Variants in DNAJB6 observed in about 807,000 individuals in gnomAD.
DNAJB6 encodes the protein dnaJ homolog subfamily B member 6.
A neutral mutation model predicts 42.7 loss-of-function variants in DNAJB6; 16 were observed. The ratio of observed to expected loss-of-function variants is 0.37; its 90% CI spans 0.25 to 0.57. The LOEUF (loss-of-function observed/expected upper bound fraction) is 0.57, where lower values mean the gene tolerates loss of function less well. Ranked by LOEUF, DNAJB6 falls within the 20% of genes least tolerant of loss-of-function variation. The pLI, the probability that DNAJB6 is intolerant of heterozygous loss-of-function variation, is 0.74. For synonymous variants in DNAJB6, 170 were observed against 163.5 expected, an observed-to-expected ratio of 1.04 and a Z score of -0.30; for missense variants, 347 against 416.8, an observed-to-expected ratio of 0.83 and a Z score of 1.46.
chr7:157,363,602 G>A (rs945001173), intron 3 of DNAJB6, among the ~76,000 whole-genome samples: 6 of 152,068 alleles, frequency 3.9e-5, no homozygotes, highest in Non-Finnish European at 8.8e-5. Flanking sequence ...GCTTGCCCCC[G>A]TTGTGTGTGA....
chr7:157,403,571 A>C (rs1241861542), intron 8 of DNAJB6, among the ~76,000 whole-genome samples: 1 of 152,122 alleles, frequency 6.6e-6, no homozygotes, highest in Non-Finnish European at 1.5e-5. Context: ...AGCTCACGTA[A>C]AGCGATCCTC....
At position 157,381,777 on chromosome 7, in the gene DNAJB6, G is replaced by T. The variant is rs3802089; in HGVS notation, c.347-469G>T. 3.2e-4 allele frequency: 25 copies of T among 77,082 alleles called. No individual in the cohort carries two copies. In the East Asian group the frequency reaches 0.013, roughly 39 times the overall value. 4.8% of individuals were successfully genotyped at this position (77,082 alleles called of 1,614,324 possible). On this transcript the variant is annotated intron_variant, in intron 5 of 9. Coordinates refer to ENST00000262177, the MANE Select transcript of DNAJB6 (RefSeq NM_058246.4). The stretch of plus-strand genomic sequence containing the variant: ...GTGTGTGTGTGTGTGTGTGTGTGTG[G>T]GCGCGCGCATGTTAGGGTAATCCAT...
Position 157,394,797 on chromosome 7 carries a change from A to G in DNAJB6, c.691+9186A>G, listed in dbSNP as rs562970952. ...TTGTCCCCGCCTCTCAGCGGAGCTT[A>G]GAACCATACAGAAAGTGGGCCAGAC... On this transcript the variant is annotated intron_variant, in intron 8 of 9. Transcript: ENST00000262177. 4.1e-4 allele frequency among the ~76,000 whole-genome samples: 63 copies of G among 152,292 alleles called. 1 individual carries two copies. The South Asian group carries it at 9.7e-3, about 24-fold the overall frequency.
At chr7:157,386,137 G>A in intron 8 of DNAJB6, 1 of 937,432 alleles carries the variant, frequency 1.1e-6, no homozygotes, top group Non-Finnish European at 1.3e-6. Flanking sequence ...ATAAATTAAG[G>A]ATGTTTTCTA....
chr7:157,383,695 G>T (rs1211281851), intron 6 of DNAJB6, among the ~76,000 whole-genome samples: 1 of 151,758 alleles, frequency 6.6e-6, no homozygotes, highest in Non-Finnish European at 1.5e-5. Flanking sequence ...AGTATCACAA[G>T]AATAAATACT....
intron 6 of DNAJB6, among the ~76,000 whole-genome samples, chr7:157,383,611 T>TTGTGTGTGTGTGTGTGTGTG (rs57002445): frequency 3.3e-5 from 5 of 149,570 alleles, no homozygotes; most frequent in African/African-American, 1.2e-4. Context: ...GTATGTGTGT[T>TTGTGTGTGTGTGTGTGTGTG]TGTGTGTGTG....
intron 3 of DNAJB6, among the ~76,000 whole-genome samples, chr7:157,365,768 G>A (rs1799811829): frequency 6.6e-6 from 1 of 151,714 alleles, no homozygotes; most frequent in South Asian, 2.1e-4. Flanking sequence ...GGGTTCAAGC[G>A]ATTCTCCTGC....
intron 1 of DNAJB6, among the ~76,000 whole-genome samples, chr7:157,338,558 C>T (rs1029454297): frequency 6.6e-6 from 1 of 152,168 alleles, no homozygotes; most frequent in African/African-American, 2.4e-5. Flanking sequence ...TGGTCTCGAA[C>T]TTATGACCTA....
intron 5 of DNAJB6, among the ~76,000 whole-genome samples, chr7:157,371,137 C>G (rs1800189100): frequency 6.6e-6 from 1 of 152,164 alleles, no homozygotes; most frequent in Non-Finnish European, 1.5e-5. Flanking sequence ...TCATCAGAAT[C>G]CAGTATCTGA....
rs1447781305 is a variant in DNAJB6 at position 157,367,472 on chromosome 7, T to C, written c.335T>C (p.Phe112Ser). The change falls in exon 5 of 10, where the codon TTT becomes TCT. Residue 112 changes from phenylalanine (F) to serine (S), a missense_variant. Transcript: ENST00000262177. ...TTTGGTGGAAGGGACCCATTTTCAT[T>C]TGACTTCTTTGGTAAGTTAATCACG... ...EFFGGRDPFSFDFFEDPFEDF... is the reference protein window; with the variant it reads ...EFFGGRDPFSSDFFEDPFEDF... The C allele has an allele frequency of 6.3e-7, 1 of 1,599,732 alleles. No individual in the cohort carries two copies. The highest frequency in any genetic ancestry group is 8.6e-7 in the Non-Finnish European group (1 of 1,166,950).
intron 1 of DNAJB6, chr7:157,339,906 G>A (rs1798268750): frequency 6.6e-6 from 1 of 152,272 alleles, no homozygotes. Context: ...GATTACAGGT[G>A]TGAGCCCGCG....
intron 8 of DNAJB6, among the ~76,000 whole-genome samples, chr7:157,408,800 C>G (rs1795861038): frequency 6.6e-6 from 1 of 152,248 alleles, no homozygotes; most frequent in African/African-American, 2.4e-5. Flanking sequence ...GAGTGCTCCT[C>G]AGTGCTTGCG....
intron 1 of DNAJB6, among the ~76,000 whole-genome samples, chr7:157,340,351 G>A (rs1281066445): frequency 6.6e-6 from 1 of 152,126 alleles, no homozygotes; most frequent in East Asian, 1.9e-4. Flanking sequence ...TAGGATCAGT[G>A]GCAGGATTTA....
At chr7:157,361,442 C>A (rs1164210035) in intron 2 of DNAJB6, among the ~76,000 whole-genome samples, 1 of 152,162 alleles carries the variant, frequency 6.6e-6, no homozygotes, top group African/African-American at 2.4e-5. Flanking sequence ...CAGGCATGAG[C>A]CACTGCGCCC....
chr7:157,358,549 C>T lies in DNAJB6; in HGVS notation c.-24C>T, dbSNP rs767652341. 1.2e-6 allele frequency: 2 copies of T among 1,606,482 alleles called. No homozygotes were observed. The highest frequency in any genetic ancestry group is 2.2e-5 in the South Asian group (2 of 90,912). On this transcript the variant is annotated splice_region_variant and 5_prime_UTR_variant, in exon 2 of 10. Transcript: ENST00000262177. Reference sequence around the variant, plus strand: ...TGACCACCTGTTTTTACTTGCAGGACCCATTCCAACAATCTCGTAAAACAT... The same window carrying T: ...TGACCACCTGTTTTTACTTGCAGGATCCATTCCAACAATCTCGTAAAACAT...
chr7:157,409,068 G>A (rs1795874943), intron 8 of DNAJB6, among the ~76,000 whole-genome samples: 1 of 152,262 alleles, frequency 6.6e-6, no homozygotes, highest in Non-Finnish European at 1.5e-5. Flanking sequence ...GAGAATCACA[G>A]TGGAGAACAT....
intron 1 of DNAJB6, among the ~76,000 whole-genome samples, chr7:157,341,533 TG>T (rs1798381413): frequency 6.6e-6 from 1 of 152,248 alleles, no homozygotes; most frequent in African/African-American, 2.4e-5. Flanking sequence ...ACTTACCTTT[TG>T]CCACCAAAGG....
At chr7:157,348,543 C>T (rs4716468) in intron 1 of DNAJB6, among the ~76,000 whole-genome samples, 20,646 of 152,130 alleles carry the variant, frequency 0.14, 2,675 homozygotes, top group African/African-American at 0.34. Context: ...CTCCTGTCTG[C>T]GCTTGGTTGC....
In DNAJB6 at chr7:157,415,940, T is replaced by C; in HGVS notation, c.899-76T>C. ...TTTTTGTTCTTAACATGGGGAGATATTTAGAAAACATGTTTGGCTCTTGCT... is the reference window on the plus strand; with the variant it reads ...TTTTTGTTCTTAACATGGGGAGATACTTAGAAAACATGTTTGGCTCTTGCT... On this transcript the variant is annotated intron_variant, in intron 9 of 9. Coordinates refer to ENST00000262177, the MANE Select transcript of DNAJB6 (RefSeq NM_058246.4). 8 of 1,605,028 alleles carry C rather than the reference T, an allele frequency of 5.0e-6. No individual in the cohort carries two copies. In the Middle Eastern group the frequency reaches 8.3e-4, roughly 167 times the overall value.
Sources: gnomAD v4.1 joint callset for allele counts (sites outside exome capture counted in the v4.1 genomes callset) on GRCh38, gnomAD v4.1.1 for gene constraint, MANE v1.5 for transcripts, NCBI Gene and HGNC (gene_info 2026-07-23, HGNC 2026-07-21) for gene names.